ANKRD45: variants seen among roughly 807,000 people sequenced by gnomAD.
ANKRD45 encodes the protein ankyrin repeat domain 45, also known as ankyrin repeat domain-containing protein 45.
In ANKRD45, 21 loss-of-function variants were observed where a neutral mutation model predicts 28.1. The observed-to-expected ratio is 0.75, with a 90% CI of 0.53 to 1.08. The LOEUF (loss-of-function observed/expected upper bound fraction) is 1.08. ANKRD45 is among the 50% of genes least tolerant of loss of function. The pLI, the probability that ANKRD45 is intolerant of heterozygous loss-of-function variation, is 0.00. For missense variants in ANKRD45, 261 were observed against 308.7 expected, an observed-to-expected ratio of 0.85 and a Z score of 1.16; for synonymous variants, 86 against 103.9, an observed-to-expected ratio of 0.83 and a Z score of 1.05.
At chr1:173,623,122 C>A (rs1056038203) in intron 5 of ANKRD45, among the ~76,000 whole-genome samples, 2 of 151,590 alleles carry the variant, frequency 1.3e-5, no homozygotes, top group East Asian at 1.9e-4. Context: ...TCAAGACCAG[C>A]CTGGCCAACA....
At chr1:173,644,034 T>TATTAATATAC (rs1558133298) in intron 3 of ANKRD45, among the ~76,000 whole-genome samples, 1 of 152,208 alleles carries the variant, frequency 6.6e-6, no homozygotes, top group Non-Finnish European at 1.5e-5. Flanking sequence ...TCTAAGAGAA[T>TATTAATATAC]ATTAATATAC....
At chr1:173,649,403 C>T (rs748091375) in intron 2 of ANKRD45, among the ~76,000 whole-genome samples, 30 of 152,136 alleles carry the variant, frequency 2.0e-4, no homozygotes, top group Non-Finnish European at 4.1e-4. Flanking sequence ...TTTTCTGAAT[C>T]TGATGAGTCA....
rs1428083555 is a variant in ANKRD45 at position 173,609,290 on chromosome 1, A to C, written c.*855T>G. 6.6e-6 allele frequency among the ~76,000 whole-genome samples: 1 copy of C among 152,250 alleles called. No individual in the cohort carries two copies. Among genetic ancestry groups the C allele is most frequent in the Non-Finnish European group, 1.5e-5 (1 of 68,044 alleles). ...ATAAGGGAAAACTAGCTTTCAGAACAGGACAAAGAAGAGAAAGCCATAAGA... is the reference window on the plus strand; with the variant it reads ...ATAAGGGAAAACTAGCTTTCAGAACCGGACAAAGAAGAGAAAGCCATAAGA... On this transcript the variant is annotated 3_prime_UTR_variant, in exon 6 of 6. Transcript: ENST00000333279.
chr1:173,635,669 T>A (rs746620922), intron 3 of ANKRD45: 113 of 1,535,628 alleles, frequency 7.4e-5, no homozygotes, highest in Non-Finnish European at 9.4e-5. Context: ...AGTTAAGGGT[T>A]CTCCATCTCA....
chr1:173,613,491 G>A (rs1262439181), intron 5 of ANKRD45, among the ~76,000 whole-genome samples: 6 of 148,642 alleles, frequency 4.0e-5, no homozygotes, highest in Non-Finnish European at 6.0e-5. Context: ...CAGCCGCCCC[G>A]TCCGGGAGGG....
At chr1:173,640,268 T>C (rs1008717298) in intron 3 of ANKRD45, among the ~76,000 whole-genome samples, 3 of 152,032 alleles carry the variant, frequency 2.0e-5, no homozygotes, top group African/African-American at 4.8e-5. Context: ...AAAGGTCTCT[T>C]AGCACAGGCC....
At chr1:173,633,440 A>G (rs1436780239) in intron 3 of ANKRD45, among the ~76,000 whole-genome samples, 1 of 152,086 alleles carries the variant, frequency 6.6e-6, no homozygotes, top group African/African-American at 2.4e-5. Context: ...TACAGATTCA[A>G]TGCATTGGTA....
the ANKRD45 span, among the ~76,000 whole-genome samples, chr1:173,701,302 A>G: frequency 6.6e-6 from 1 of 152,226 alleles, no homozygotes; most frequent in Non-Finnish European, 1.5e-5. Context: ...CATTTGACCC[A>G]GGGATCCCAT....
intron 5 of ANKRD45, among the ~76,000 whole-genome samples, chr1:173,624,379 G>C (rs1230715298): frequency 6.6e-6 from 1 of 151,880 alleles, no homozygotes; most frequent in Non-Finnish European, 1.5e-5. Flanking sequence ...TGTGGTCCCA[G>C]CTACTCAGGA....
At chr1:173,646,724 A>C in intron 3 of ANKRD45, 122 bp downstream of exon 3, 2 of 948,902 alleles carry the variant, frequency 2.1e-6, no homozygotes, top group South Asian at 3.5e-5. Flanking sequence ...TATTATCACC[A>C]ACTGTGACTG....
In ANKRD45 at chr1:173,627,147, G is replaced by A. The variant is rs1383543443; in HGVS notation, c.509C>T (p.Thr170Ile). 1 of 1,610,562 alleles carries A rather than the reference G, an allele frequency of 6.2e-7. No homozygotes were observed. Among genetic ancestry groups the A allele is most frequent in the South Asian group, 1.1e-5 (1 of 90,956 alleles). ...EFLDWADARL[T>I]LKKYIAKVSL... is the part of the protein sequence containing the mutation. Reference sequence around the variant, plus strand: ...GACTTTTGCAATATATTTTTTCAGAGTCAGCCTTGCATCTGAAAGAATGGA... The same window carrying A: ...GACTTTTGCAATATATTTTTTCAGAATCAGCCTTGCATCTGAAAGAATGGA... Residue 170 changes from threonine (T) to isoleucine (I), a missense_variant, in exon 4 of 6, where the codon ACT becomes ATT. By Grantham distance (89) the Thr-to-Ile change is moderately conservative (BLOSUM62 -1). Transcript: ENST00000333279.
At chr1:173,628,821 T>C (rs1668058567) in intron 3 of ANKRD45, among the ~76,000 whole-genome samples, 1 of 152,202 alleles carries the variant, frequency 6.6e-6, no homozygotes, top group South Asian at 2.1e-4. Flanking sequence ...CCACAGGCCT[T>C]GGGCAAGACC....
rs184225279 is a variant in ANKRD45, at chr1:173,638,860, G to A, written c.496+7986C>T. Among the ~76,000 whole-genome samples the A allele has an allele frequency of 4.2e-3, 647 of 152,238 alleles. 16 individuals carry two copies. Among genetic ancestry groups the A allele is most frequent in the Admixed American group, 0.034 (520 of 15,294 alleles). On this transcript the variant is annotated intron_variant, in intron 3 of 5. Transcript: ENST00000333279. ...GGAGACCCAAATTTAAAAAACACTC[G>A]TGTCTAGATTTGACTGACTACCAAA...
chr1:173,619,931 A>G (rs1409363413), intron 5 of ANKRD45, among the ~76,000 whole-genome samples: 1 of 152,178 alleles, frequency 6.6e-6, no homozygotes, highest in Non-Finnish European at 1.5e-5. Context: ...TGCACACAAT[A>G]CAGGAGCACC....
the ANKRD45 span, among the ~76,000 whole-genome samples, chr1:173,691,960 T>C: frequency 6.6e-6 from 1 of 152,084 alleles, no homozygotes; most frequent in Non-Finnish European, 1.5e-5. Context: ...CTAATACTGA[T>C]TGGCTAATTT....
At chr1:173,711,424 G>A in the ANKRD45 span, among the ~76,000 whole-genome samples, 1 of 152,192 alleles carries the variant, frequency 6.6e-6, no homozygotes, top group Non-Finnish European at 1.5e-5. Flanking sequence ...CTCAAAGCAG[G>A]GAGAAGGCTT....
chr1:173,655,728 CA>C lies in ANKRD45; in HGVS notation c.328+3362del, dbSNP rs1669472766. ...CCAGAGGTGGAGTCAACAGAGGCAG[CA>C]GGCCTTGCTGAGCTGTGGTGGGCTC... On this transcript the variant is annotated intron_variant, in intron 2 of 5. Coordinates refer to ENST00000333279, the MANE Select transcript of ANKRD45 (RefSeq NM_198493.3). Among the ~76,000 whole-genome samples the C allele has an allele frequency of 2.6e-5, 4 of 152,350 alleles. No homozygotes were observed. The South Asian group carries it at 8.3e-4, about 32-fold the overall frequency.
At chr1:173,613,524 C>G (rs544353903) in intron 5 of ANKRD45, among the ~76,000 whole-genome samples, 1 of 147,412 alleles carries the variant, frequency 6.8e-6, no homozygotes, top group Non-Finnish European at 1.5e-5. Context: ...AGCCCCCGCC[C>G]GGCCAGCCGC....
chr1:173,671,837 G>A (rs547504247), upstream of ANKRD45, among the ~76,000 whole-genome samples: 4 of 148,916 alleles, frequency 2.7e-5, no homozygotes, highest in East Asian at 7.9e-4. Context: ...AGCCGAGATC[G>A]CACCACTGCC....
Sources: gnomAD v4.1 joint callset for allele counts (sites outside exome capture counted in the v4.1 genomes callset) on GRCh38, gnomAD v4.1.1 for gene constraint, MANE v1.5 for transcripts, NCBI Gene and HGNC (gene_info 2026-07-23, HGNC 2026-07-21) for gene names.